LARS1: variants seen among roughly 807,000 people sequenced by gnomAD.
The protein encoded by LARS1 is leucine--tRNA ligase, cytoplasmic.
Under a neutral mutation model 162.8 loss-of-function variants are expected in LARS1, and 100 were observed. The ratio of observed to expected loss-of-function variants is 0.61; its 90% confidence interval spans 0.52 to 0.73. The LOEUF is 0.73. LARS1 is among the 30% of genes least tolerant of loss of function. The pLI, the probability that LARS1 is intolerant of heterozygous loss-of-function variation, is 0.00. For synonymous variants in LARS1, 457 were observed against 462.8 expected, an observed-to-expected ratio of 0.99 and a Z score of 0.16; for missense variants, 1,258 against 1,408.9, an observed-to-expected ratio of 0.89 and a Z score of 1.71.
At chr5:146,122,621 A>G (rs1277790098) in intron 29 of LARS1, 34 bp from the exon 30 acceptor site, 2 of 1,225,182 alleles carry the variant, frequency 1.6e-6, no homozygotes, top group South Asian at 1.3e-5. Context: ...AGTTATTAGT[A>G]TCACTTAATG....
chr5:146,134,823 C>T (rs1050483578), intron 22 of LARS1, among the ~76,000 whole-genome samples: 2 of 152,164 alleles, frequency 1.3e-5, no homozygotes, highest in Non-Finnish European at 2.9e-5. Context: ...CAGGCACATG[C>T]CTGTAATCCC....
At chr5:146,167,406 ATT>A (rs756992676) in intron 5 of LARS1, among the ~76,000 whole-genome samples, 10 of 145,172 alleles carry the variant, frequency 6.9e-5, no homozygotes, top group Non-Finnish European at 6.1e-5. Context: ...CAGAAAGATA[ATT>A]TTTTTTTTTT....
intron 6 of LARS1, 47 bp from the exon 7 acceptor site, chr5:146,160,533 T>C: frequency 9.9e-7 from 1 of 1,014,118 alleles, no homozygotes. Context: ...AATACACAAA[T>C]TTTGTTTAAA....
rs190538173 is a variant in LARS1, at chr5:146,153,083, A to G, written c.1284+91T>C. 6,215 of 999,460 alleles carry G rather than the reference A, an allele frequency of 6.2e-3. 30 individuals are homozygous for G. The highest frequency in any genetic ancestry group is 6.9e-3 in the Non-Finnish European group (4,533 of 656,704). The allele number at this position is 999,460 out of a possible 1,614,324, so 61.9% of individuals were successfully genotyped here. A position where few individuals can be genotyped will look rare whatever the true frequency, so the allele number is the denominator to read the frequency against. On this transcript the variant is annotated intron_variant, in intron 13 of 31. Transcript: ENST00000394434. ...CAAACTCTCTTTTTCATACTCCACC[A>G]ATTAATTTTGTTATAAGGAAAACAT...
intron 15 of LARS1, among the ~76,000 whole-genome samples, chr5:146,147,101 G>A (rs143789467): frequency 3.3e-5 from 5 of 152,130 alleles, no homozygotes; most frequent in South Asian, 2.1e-4. Flanking sequence ...CTTAACAACC[G>A]GGAGTCGCCA....
In LARS1 at chr5:146,130,276, A is replaced by G. The variant is rs549899494; in HGVS notation, c.2488-118T>C. 15 of 946,994 alleles carry G rather than the reference A, an allele frequency of 1.6e-5. No homozygotes were observed. The African/African-American group carries it at 1.8e-4, about 12-fold the overall frequency. The allele number at this position is 946,994 out of a possible 1,614,324, so 58.7% of individuals were successfully genotyped here. ...TAAGTTTCTAGTCTTTTAAAAATCC[A>G]TAACAAATTACTGTAAAGGTTTTAC... On this transcript the variant is annotated intron_variant, in intron 24 of 31. Transcript: ENST00000394434.
At chr5:146,134,001 C>T (rs1466449634) in intron 22 of LARS1, among the ~76,000 whole-genome samples, 4 of 152,134 alleles carry the variant, frequency 2.6e-5, no homozygotes, top group Admixed American at 6.5e-5. Flanking sequence ...TGCGCCACCA[C>T]GCCCGGCTAA....
chr5:146,159,922 G>A (rs1753702089), intron 7 of LARS1, among the ~76,000 whole-genome samples: 2 of 151,948 alleles, frequency 1.3e-5, no homozygotes, highest in African/African-American at 4.8e-5. Flanking sequence ...GCTTGGCAGG[G>A]AATACTGAAC....
In LARS1 at chr5:146,130,175, T is replaced by C; in HGVS notation, c.2488-17A>G. ...TTTTGCGGCCTATAAAATTTGAAAT[T>C]ATTTACCATTTCCCTCACCTTCTTT... On this transcript the variant is annotated splice_polypyrimidine_tract_variant and intron_variant, in intron 24 of 31. Coordinates refer to ENST00000394434, the MANE Select transcript of LARS1 (RefSeq NM_020117.11). The C allele has an allele frequency of 6.2e-7, 1 of 1,609,846 alleles. No homozygotes were observed.
intron 21 of LARS1, chr5:146,138,207 CA>C (rs1752597647): frequency 1.1e-5 from 2 of 182,366 alleles, no homozygotes; most frequent in South Asian, 3.2e-4. Flanking sequence ...GTATACAAAG[CA>C]AAGAACGACC....
chr5:146,181,506 T>C lies in LARS1; in HGVS notation c.6+982A>G, dbSNP rs1049066911. 2.6e-5 allele frequency among the ~76,000 whole-genome samples: 4 copies of C among 151,808 alleles called. No homozygotes were observed. In the East Asian group the frequency reaches 7.7e-4, roughly 29 times the overall value. On this transcript the variant is annotated intron_variant, in intron 1 of 31. Transcript: ENST00000394434. ...TGTCTCTACTAAAAATACAAAAAAT[T>C]AGCAGGGTGTAATGGAGCACGCTTG...
intron 15 of LARS1, among the ~76,000 whole-genome samples, chr5:146,148,905 A>T (rs1226253268): frequency 6.6e-6 from 1 of 151,934 alleles, no homozygotes; most frequent in Non-Finnish European, 1.5e-5. Flanking sequence ...GAGAAACCCC[A>T]TCTCTACTAA....
intron 5 of LARS1, among the ~76,000 whole-genome samples, chr5:146,165,462 C>T (rs1753964572): frequency 1.3e-5 from 2 of 151,828 alleles, no homozygotes; most frequent in African/African-American, 4.8e-5. Context: ...ACCCAGGAGG[C>T]AGAGGTTGCA....
intron 30 of LARS1, among the ~76,000 whole-genome samples, chr5:146,121,234 CT>C (rs1561795469): frequency 6.6e-6 from 1 of 152,066 alleles, no homozygotes; most frequent in East Asian, 1.9e-4. Flanking sequence ...TTTCCTTATT[CT>C]TTCAAAATAG....
chr5:146,137,401 G>A (rs1360954943), intron 21 of LARS1, among the ~76,000 whole-genome samples: 1 of 151,880 alleles, frequency 6.6e-6, no homozygotes, highest in Non-Finnish European at 1.5e-5. Context: ...AGTATCATAG[G>A]GGCAAGTGAG....
In LARS1 at chr5:146,113,702, A is replaced by T. The variant is rs12188941; in HGVS notation, c.*404T>A. The T allele has an allele frequency of 0.26, 39,745 of 153,564 alleles. 5,590 individuals carry two copies. The highest frequency in any genetic ancestry group is 0.35 in the Admixed American group (5,470 of 15,412). 9.5% of individuals were successfully genotyped at this position (153,564 alleles called of 1,614,324 possible). A position where few individuals can be genotyped will look rare whatever the true frequency, so the allele number is the denominator to read the frequency against. ...TGCTAATTTACTACTTTTCTTTTTTAAAAAAAAATACAGCTAACTCCATAA... is the reference window on the plus strand; with the variant it reads ...TGCTAATTTACTACTTTTCTTTTTTTAAAAAAAATACAGCTAACTCCATAA... On this transcript the variant is annotated 3_prime_UTR_variant, in exon 32 of 32. Transcript: ENST00000394434.
At chr5:146,180,767 G>T (rs1182677582) in intron 1 of LARS1, among the ~76,000 whole-genome samples, 1 of 152,104 alleles carries the variant, frequency 6.6e-6, no homozygotes, top group African/African-American at 2.4e-5. Flanking sequence ...CAAGTCATTT[G>T]ATCAATCTGA....
rs983519641 is a variant in LARS1 at position 146,114,234 on chromosome 5, A to C, written c.3403T>G (p.Tyr1135Asp). 2 of 1,613,308 alleles carry C rather than the reference A, an allele frequency of 1.2e-6. No homozygotes were observed. The highest frequency in any genetic ancestry group is 1.7e-6 in the Non-Finnish European group (2 of 1,179,802). ...PRRVPVLGKEYTEKTPISEHA... is the reference protein window; with the variant it reads ...PRRVPVLGKEDTEKTPISEHA... ...TCAGAAATGGGGGTCTTCTCGGTGT[A>C]CTCCTTTCCCAGGACAGGAACTCGT... The change falls in exon 32 of 32, where the codon TAC becomes GAC. Residue 1135 changes from tyrosine (Y) to aspartate (D), a missense_variant. Coordinates refer to ENST00000394434, the MANE Select transcript of LARS1 (RefSeq NM_020117.11).
At chr5:146,138,273 C>T (rs1031079842) in intron 21 of LARS1, 33 of 187,300 alleles carry the variant, frequency 1.8e-4, no homozygotes, top group African/African-American at 6.9e-4. Flanking sequence ...AAAGGTAACT[C>T]GGGCCCCATG....
Sources: allele counts gnomAD v4.1 joint callset (sites outside exome capture counted in the v4.1 genomes callset), GRCh38; gene constraint gnomAD v4.1.1; transcripts MANE v1.5; gene names NCBI Gene and HGNC (gene_info 2026-07-23, HGNC 2026-07-21).